Variants in KIN observed in about 807,000 individuals in gnomAD.
The protein encoded by KIN is DNA/RNA-binding protein KIN17.
KIN carries 47 observed loss-of-function variants against 63.0 expected under a neutral mutation model. The observed-to-expected ratio is 0.75, with a 90% CI of 0.59 to 0.95. KIN has a LOEUF of 0.95. Ranked by LOEUF, KIN falls within the 40% of genes least tolerant of loss-of-function variation. KIN has a pLI of 0.00. For synonymous variants in KIN, 160 were observed against 157.7 expected, an observed-to-expected ratio of 1.01 and a Z score of -0.11; for missense variants, 408 against 460.9, an observed-to-expected ratio of 0.89 and a Z score of 1.05.
At chr10:7,761,032 T>C (rs1334332967) in intron 11 of KIN, among the ~76,000 whole-genome samples, 1 of 152,160 alleles carries the variant, frequency 6.6e-6, no homozygotes, top group African/African-American at 2.4e-5. Flanking sequence ...AACTGAACTA[T>C]GACAGAAAGC....
intron 7 of KIN, among the ~76,000 whole-genome samples, chr10:7,773,108 T>C (rs1835699721): frequency 6.6e-6 from 1 of 152,176 alleles, no homozygotes; most frequent in Non-Finnish European, 1.5e-5. Context: ...GATGCAACCA[T>C]GAGCCAAGTA....
At chr10:7,760,427 G>A (rs967790772) in intron 11 of KIN, among the ~76,000 whole-genome samples, 1 of 152,104 alleles carries the variant, frequency 6.6e-6, no homozygotes, top group Non-Finnish European at 1.5e-5. Flanking sequence ...AAAGAAACCA[G>A]ATATCCACAC....
At chr10:7,778,582 T>C (rs1362645333) in intron 5 of KIN, among the ~76,000 whole-genome samples, 1 of 151,998 alleles carries the variant, frequency 6.6e-6, no homozygotes, top group Non-Finnish European at 1.5e-5. Context: ...CTACTAACAA[T>C]ACAAAAATTA....
intron 7 of KIN, among the ~76,000 whole-genome samples, chr10:7,772,251 G>A (rs1280313587): frequency 1.3e-5 from 2 of 152,196 alleles, no homozygotes; most frequent in Non-Finnish European, 2.9e-5. Flanking sequence ...GTTTAGAAAG[G>A]TCCTTTTGCT....
At chr10:7,780,681 G>A (rs528545954) in intron 2 of KIN, among the ~76,000 whole-genome samples, 5 of 152,176 alleles carry the variant, frequency 3.3e-5, no homozygotes, top group Non-Finnish European at 5.9e-5. Context: ...GACTACAGGC[G>A]TGAGCCACTG....
chr10:7,765,873 A>G (rs1835532977), intron 9 of KIN, among the ~76,000 whole-genome samples, 180 bp downstream of exon 9: 1 of 152,222 alleles, frequency 6.6e-6, no homozygotes, highest in South Asian at 2.1e-4. Context: ...GTAACTCTCC[A>G]ATAGAGGTGC....
At chr10:7,774,319 CA>C (rs1310044970) in intron 7 of KIN, among the ~76,000 whole-genome samples, 6 of 152,098 alleles carry the variant, frequency 3.9e-5, no homozygotes, top group Middle Eastern at 3.4e-3. Flanking sequence ...CACAATGCAG[CA>C]AGTAAAAGAA....
chr10:7,772,492 G>C (rs951929603), intron 7 of KIN, among the ~76,000 whole-genome samples: 1 of 152,174 alleles, frequency 6.6e-6, no homozygotes, highest in African/African-American at 2.4e-5. Flanking sequence ...ACTGTTTCAA[G>C]CAATAAGGGG....
chr10:7,772,782 A>G (rs2131011278), intron 7 of KIN, among the ~76,000 whole-genome samples: 1 of 152,354 alleles, frequency 6.6e-6, no homozygotes, highest in East Asian at 1.9e-4. Flanking sequence ...AAATTGGTCA[A>G]ATAAAACTAA....
intron 7 of KIN, among the ~76,000 whole-genome samples, chr10:7,771,582 T>G (rs1835666043): frequency 6.6e-6 from 1 of 152,186 alleles, no homozygotes; most frequent in Non-Finnish European, 1.5e-5. Context: ...TATTTAAGGC[T>G]ATTATTTACT....
rs1835410622 is a variant in KIN, at chr10:7,760,088, A to G, written c.1019-98T>C. Reference sequence around the variant, plus strand: ...ATGTACTACACTGAATAAACATAATAAAAAACAAAACCCTTTTTCTTAGAA... The same window carrying G: ...ATGTACTACACTGAATAAACATAATGAAAAACAAAACCCTTTTTCTTAGAA... On this transcript the variant is annotated intron_variant, in intron 11 of 12. Transcript: ENST00000379562. 21 of 573,120 alleles carry G rather than the reference A, an allele frequency of 3.7e-5. No homozygotes were observed. In the South Asian group the frequency reaches 4.7e-4, roughly 13 times the overall value. The allele number at this position is 573,120 out of a possible 1,614,324, so 35.5% of individuals were successfully genotyped here.
chr10:7,766,053 A>G lies in KIN; in HGVS notation c.849T>C (p.Pro283=), dbSNP rs777922353. 2 of 1,605,154 alleles carry G rather than the reference A, an allele frequency of 1.2e-6. No individual in the cohort carries two copies. Among genetic ancestry groups the G allele is most frequent in the Admixed American group, 3.4e-5 (2 of 58,938 alleles). The stretch of plus-strand genomic sequence containing the variant: ...TAAGAAACTCCAACTGAATACTTAC[A>G]GGCTGTAGCCAGTAGTCTGTTCGGG... ...RTARTDYWLQ[P]EIIVKIITKK... The change falls in exon 9 of 13, where the codon CCT becomes CCC. Residue 283 remains proline (P), a splice_region_variant and synonymous_variant. Transcript: ENST00000379562.
chr10:7,768,038 A>G (rs758403142), intron 8 of KIN, among the ~76,000 whole-genome samples: 4 of 152,058 alleles, frequency 2.6e-5, no homozygotes, highest in Non-Finnish European at 4.4e-5. Context: ...TTCTTAATTC[A>G]TTGATAAGGT....
At chr10:7,775,954 C>T (rs1306242468) in intron 5 of KIN, among the ~76,000 whole-genome samples, 155 bp from the exon 6 acceptor site, 10 of 152,242 alleles carry the variant, frequency 6.6e-5, no homozygotes, top group South Asian at 2.1e-4. Flanking sequence ...TTCGGCCAGG[C>T]GCGGTGGCTC....
In KIN at chr10:7,751,928, G is replaced by A. The variant is rs1291922551; in HGVS notation, c.*4152C>T. 1.2e-3 allele frequency: 4 copies of A among 3,202 alleles called. 2 individuals are homozygous for A. The highest frequency in any genetic ancestry group is 0.011 in the Admixed American group (2 of 184). The allele number at this position is 3,202 out of a possible 1,614,324, so 0.2% of individuals were successfully genotyped here. A position where few individuals can be genotyped will look rare whatever the true frequency, so the allele number is the denominator to read the frequency against. On this transcript the variant is annotated 3_prime_UTR_variant, in exon 13 of 13. Transcript: ENST00000379562. Reference sequence around the variant, plus strand: ...CGGGCGCCTGTAGTCCCAGCTACTCGGGAGGCTGAGGCAGGAGAATGGCGT... The same window carrying A: ...CGGGCGCCTGTAGTCCCAGCTACTCAGGAGGCTGAGGCAGGAGAATGGCGT...
chr10:7,764,493 G>A (rs1421656119), intron 9 of KIN, among the ~76,000 whole-genome samples: 4 of 152,178 alleles, frequency 2.6e-5, no homozygotes, highest in Non-Finnish European at 4.4e-5. Context: ...TTACTGCAGT[G>A]ATTCTATATT....
At position 7,751,788 on chromosome 10, in the gene KIN, A is replaced by AT. The variant is rs1159776351; in HGVS notation, c.*4291_*4292insA. On this transcript the variant is annotated 3_prime_UTR_variant, in exon 13 of 13. Transcript: ENST00000379562. ...ACTCTGTTATTTGGTTAAAATCTTGAATTTAAAACTTCTACCTGCAGATAT... is the reference window on the plus strand; with the variant it reads ...ACTCTGTTATTTGGTTAAAATCTTGATATTTAAAACTTCTACCTGCAGATAT... 9 of 149,088 alleles carry AT rather than the reference A, an allele frequency of 6.0e-5. No homozygotes were observed. The highest frequency in any genetic ancestry group is 1.2e-4 in the Non-Finnish European group (8 of 67,752). 9.2% of individuals were successfully genotyped at this position (149,088 alleles called of 1,614,324 possible).
intron 5 of KIN, among the ~76,000 whole-genome samples, chr10:7,776,056 G>A (rs1435420696): frequency 6.6e-6 from 1 of 151,850 alleles, no homozygotes; most frequent in Non-Finnish European, 1.5e-5. Context: ...GTGAAACCCT[G>A]TCTCTGCTAA....
chr10:7,772,805 T>C (rs1835693553), intron 7 of KIN, among the ~76,000 whole-genome samples: 1 of 152,228 alleles, frequency 6.6e-6, no homozygotes, highest in South Asian at 2.1e-4. Flanking sequence ...TTTTTGCTAA[T>C]ATCAAGGTTT....
Sources: gnomAD v4.1 joint callset for allele counts (sites outside exome capture counted in the v4.1 genomes callset) on GRCh38, gnomAD v4.1.1 for gene constraint, MANE v1.5 for transcripts, NCBI Gene and HGNC (gene_info 2026-07-23, HGNC 2026-07-21) for gene names.